Variants in ALG6 observed in about 807,000 individuals in gnomAD.
The protein encoded by ALG6 is dolichyl pyrophosphate Man9GlcNAc2 alpha-1,3-glucosyltransferase.
A neutral mutation model predicts 66.6 loss-of-function variants in ALG6; 46 were observed. The ratio of observed to expected loss-of-function variants is 0.69; its 90% CI spans 0.55 to 0.88. The LOEUF is 0.88. ALG6 is among the 40% of genes least tolerant of loss of function. The pLI is 0.00. For missense variants in ALG6, 505 were observed against 586.8 expected (o/e 0.86, Z 1.44); for synonymous variants, 185 against 203.7 (o/e 0.91, Z 0.78).
chr1:63,431,728 ACTT>A (rs1435191123), intron 14 of ALG6, among the ~76,000 whole-genome samples: 3 of 152,128 alleles, frequency 2.0e-5, no homozygotes, highest in African/African-American at 7.2e-5. Context: ...TAAGTTTTGG[ACTT>A]CTTTTGTTAA....
Position 63,370,837 on chromosome 1 carries a change from A to C in ALG6, c.-141A>C. 1 of 702,538 alleles carries C rather than the reference A, an allele frequency of 1.4e-6. No individual in the cohort carries two copies. The highest frequency in any genetic ancestry group is 2.6e-6 in the Non-Finnish European group (1 of 384,882). The allele number at this position is 702,538 out of a possible 1,614,324, so 43.5% of individuals were successfully genotyped here. On this transcript the variant is annotated 5_prime_UTR_variant, in exon 2 of 15. Transcript: ENST00000263440. ...AACCAAGCATCATTAAAATTCTCTCAAACTCCTAATTGCGAAGAATCGATA... is the reference window on the plus strand; with the variant it reads ...AACCAAGCATCATTAAAATTCTCTCCAACTCCTAATTGCGAAGAATCGATA...
At chr1:63,380,130 G>C (rs1483346100) in intron 2 of ALG6, among the ~76,000 whole-genome samples, 2 of 152,202 alleles carry the variant, frequency 1.3e-5, no homozygotes, top group African/African-American at 4.8e-5. Context: ...AGCATCTGGA[G>C]AGTTTGTTTT....
intron 14 of ALG6, among the ~76,000 whole-genome samples, chr1:63,432,031 A>G (rs1644648435): frequency 6.6e-6 from 1 of 152,128 alleles, no homozygotes; most frequent in South Asian, 2.1e-4. Flanking sequence ...AGGACCTATA[A>G]GACAGTGTTG....
chr1:63,407,579 T>C (rs1251851765), intron 7 of ALG6, among the ~76,000 whole-genome samples: 1 of 152,082 alleles, frequency 6.6e-6, no homozygotes, highest in Non-Finnish European at 1.5e-5. Context: ...AAAATATGGC[T>C]TTTATATGTG....
rs1557587628 is a variant in ALG6 at position 63,400,282 on chromosome 1, CGTATATATATAT to C, written c.168-1971_168-1960del. Among the ~76,000 whole-genome samples the C allele has an allele frequency of 9.1e-3, 114 of 12,562 alleles. 14 individuals carry two copies. The highest frequency in any genetic ancestry group is 0.014 in the East Asian group (8 of 576). 8.2% of individuals were successfully genotyped at this position (12,562 alleles called of 152,430 possible). A position where few individuals can be genotyped will look rare whatever the true frequency, so the allele number is the denominator to read the frequency against. ...ATATATATATACGTATATATATATA[CGTATATATATAT>C]ACGTATATATATGTATATATATATA... On this transcript the variant is annotated intron_variant, in intron 3 of 14. Coordinates refer to ENST00000263440, the MANE Select transcript of ALG6 (RefSeq NM_013339.4).
At chr1:63,392,804 G>C (rs753324833) in intron 2 of ALG6, among the ~76,000 whole-genome samples, 3 of 152,164 alleles carry the variant, frequency 2.0e-5, no homozygotes, top group Non-Finnish European at 2.9e-5. Context: ...GCTCCCATAG[G>C]TACAGTTGGG....
rs1244304186 is a variant in ALG6, at chr1:63,422,274, T to TATATAAATATATATATTTATATAG, written c.1058+2849_1058+2872dup. Among the ~76,000 whole-genome samples, 150 of 39,454 alleles carry TATATAAATATATATATTTATATAG rather than the reference T, an allele frequency of 3.8e-3. 7 individuals carry two copies. The highest frequency in any genetic ancestry group is 0.016 in the Middle Eastern group (1 of 64). The allele number at this position is 39,454 out of a possible 152,430, so 25.9% of individuals were successfully genotyped here. On this transcript the variant is annotated intron_variant, in intron 12 of 14. Transcript: ENST00000263440. ...ATATATTTATATAGATATAAATATA[T>TATATAAATATATATATTTATATAG]ATATAAATATATATATTTATATAGA...
chr1:63,435,429 G>A (rs1163520870), intron 14 of ALG6, among the ~76,000 whole-genome samples: 3 of 151,990 alleles, frequency 2.0e-5, no homozygotes, highest in South Asian at 2.1e-4. Flanking sequence ...CTTTCTTGGC[G>A]CCTATCCTCG....
At chr1:63,367,717 A>T (rs1236693380) in intron 1 of ALG6, 30 bp downstream of exon 1, 2 of 151,778 alleles carry the variant, frequency 1.3e-5, no homozygotes, top group Non-Finnish European at 2.9e-5. Flanking sequence ...GAGGTTCCGG[A>T]CCCCAGGCCA....
At chr1:63,424,437 C>G (rs908693482) in intron 12 of ALG6, among the ~76,000 whole-genome samples, 11 of 152,048 alleles carry the variant, frequency 7.2e-5, no homozygotes, top group South Asian at 4.1e-4. Context: ...CTGCGCTTGG[C>G]CGTTTTGCCC....
At chr1:63,400,263 ATATACGTATATATATATACG>A (rs1644450454) in intron 3 of ALG6, among the ~76,000 whole-genome samples, 2 of 1,528 alleles carry the variant, frequency 1.3e-3, no homozygotes, top group African/African-American at 2.1e-3. Flanking sequence ...ATGTATATAT[ATATACGTATATATATATACG>A]TATATATATA....
intron 12 of ALG6, among the ~76,000 whole-genome samples, chr1:63,426,565 A>T (rs77835329): frequency 2.3e-3 from 356 of 152,202 alleles, no homozygotes; most frequent in African/African-American, 7.9e-3. Flanking sequence ...TTTTTAAGAG[A>T]CAAGGTCTCA....
intron 12 of ALG6, among the ~76,000 whole-genome samples, chr1:63,423,028 T>G (rs923132687): frequency 6.6e-6 from 1 of 150,936 alleles, no homozygotes; most frequent in Non-Finnish European, 1.5e-5. Flanking sequence ...AATGCAATTT[T>G]TTTTTTTTTT....
chr1:63,371,697 C>G (rs372543930), intron 2 of ALG6, among the ~76,000 whole-genome samples: 2 of 152,066 alleles, frequency 1.3e-5, no homozygotes, highest in African/African-American at 4.8e-5. Flanking sequence ...CTCTGCCTCC[C>G]GGGTTCAAGC....
intron 2 of ALG6, among the ~76,000 whole-genome samples, chr1:63,388,165 C>T (rs559310273): frequency 1.3e-4 from 19 of 151,952 alleles, no homozygotes; most frequent in African/African-American, 4.6e-4. Flanking sequence ...GTGATCTGCC[C>T]ACCTTGGCCT....
At position 63,422,243 on chromosome 1, in the gene ALG6, A is replaced by ATG. The variant is rs1557594972; in HGVS notation, c.1058+2803_1058+2804insTG. Among the ~76,000 whole-genome samples the ATG allele has an allele frequency of 5.4e-3, 522 of 96,264 alleles. 6 individuals are homozygous for ATG. Among genetic ancestry groups the ATG allele is most frequent in the Middle Eastern group, 0.019 (3 of 154 alleles). 63.2% of individuals were successfully genotyped at this position (96,264 alleles called of 152,430 possible). ...TTTATATAAATATAAATATATATAT[A>ATG]AATATATATATTTATATAGATATAA... is the stretch of plus-strand genomic sequence containing the variant. On this transcript the variant is annotated intron_variant, in intron 12 of 14. Transcript: ENST00000263440.
chr1:63,368,022 C>T (rs563958436), intron 1 of ALG6, among the ~76,000 whole-genome samples: 18 of 152,236 alleles, frequency 1.2e-4, no homozygotes, highest in African/African-American at 4.1e-4. Flanking sequence ...TAGCTGCACT[C>T]CCCGGTGTTG....
intron 3 of ALG6, 35 bp from the exon 4 acceptor site, chr1:63,402,219 A>G (rs1644468221): frequency 7.9e-7 from 1 of 1,261,342 alleles, no homozygotes; most frequent in Non-Finnish European, 1.2e-6. Flanking sequence ...ATATTGATTA[A>G]CGGAATGGTG....
chr1:63,392,960 A>G (rs1270431104), intron 2 of ALG6, among the ~76,000 whole-genome samples: 1 of 152,228 alleles, frequency 6.6e-6, no homozygotes, highest in Non-Finnish European at 1.5e-5. Flanking sequence ...GTCATTATCC[A>G]TTCTTCTATT....
Sources: gnomAD v4.1 joint callset for allele counts (sites outside exome capture counted in the v4.1 genomes callset) on GRCh38, gnomAD v4.1.1 for gene constraint, MANE v1.5 for transcripts, NCBI Gene and HGNC (gene_info 2026-07-23, HGNC 2026-07-21) for gene names.